The following GPHN variants were observed in gnomAD, a reference collection of about 807,000 sequenced individuals.
GPHN encodes gephyrin.
In GPHN, 17 loss-of-function variants were observed where a neutral mutation model predicts 95.5. The observed-to-expected ratio is 0.18, with a 90% CI of 0.12 to 0.27. The LOEUF is 0.27. Ranked by LOEUF, GPHN falls within the 10% of genes least tolerant of loss-of-function variation. The probability of loss-of-function intolerance (pLI) is 1.00; values close to 1 mark genes in which losing one functional copy is unlikely to be tolerated. For missense variants in GPHN, 660 were observed against 978.1 expected (o/e 0.67, Z 4.34); for synonymous variants, 320 against 322.5 (o/e 0.99, Z 0.08).
At chr14:66,596,858 C>T (rs1181896868) in intron 1 of GPHN, among the ~76,000 whole-genome samples, 2 of 152,202 alleles carry the variant, frequency 1.3e-5, no homozygotes, top group Non-Finnish European at 1.5e-5. Context: ...TTCTTGGTTC[C>T]TGCTGGCTCC....
At chr14:67,651,496 A>T in the GPHN span, 2 of 1,612,878 alleles carry the variant, frequency 1.2e-6, no homozygotes, top group African/African-American at 2.7e-5. Flanking sequence ...AAAGAGAAGC[A>T]AAGTGGGGAG....
chr14:67,641,196 T>C, the GPHN span, among the ~76,000 whole-genome samples: 2 of 152,154 alleles, frequency 1.3e-5, no homozygotes, highest in Admixed American at 6.6e-5. Context: ...TAAAATATTA[T>C]ATAAAATTAC....
the GPHN span, among the ~76,000 whole-genome samples, chr14:67,244,492 C>T: frequency 1.3e-5 from 2 of 152,270 alleles, no homozygotes; most frequent in South Asian, 2.1e-4. Context: ...AAATATTTAA[C>T]TCTAATTTAC....
intron 4 of GPHN, among the ~76,000 whole-genome samples, chr14:66,845,566 T>C (rs573297531): frequency 2.0e-5 from 3 of 152,184 alleles, no homozygotes; most frequent in African/African-American, 7.2e-5. Flanking sequence ...ATGTGGGCTT[T>C]TATAGAGGAG....
the GPHN span, chr14:67,678,122 C>G: frequency 5.9e-6 from 3 of 511,668 alleles, no homozygotes; most frequent in Non-Finnish European, 1.1e-5. Context: ...GTAACAGAAG[C>G]AAAGTAAATC....
At chr14:67,476,260 C>G in the GPHN span, among the ~76,000 whole-genome samples, 1 of 152,192 alleles carries the variant, frequency 6.6e-6, no homozygotes, top group Non-Finnish European at 1.5e-5. Flanking sequence ...GTCTTCCAAG[C>G]ACTTCGTTCG....
chr14:67,319,702 G>A, the GPHN span, among the ~76,000 whole-genome samples: 1 of 152,136 alleles, frequency 6.6e-6, no homozygotes, highest in African/African-American at 2.4e-5. Context: ...GCCGTCCTGG[G>A]CTGCATGCAG....
At chr14:66,906,839 C>G (rs1318693890) in intron 5 of GPHN, among the ~76,000 whole-genome samples, 2 of 152,130 alleles carry the variant, frequency 1.3e-5, no homozygotes, top group African/African-American at 4.8e-5. Context: ...AGAGAAGTTA[C>G]TCTATAATTT....
intron 5 of GPHN, among the ~76,000 whole-genome samples, chr14:66,891,639 A>G (rs1193626615): frequency 6.6e-6 from 1 of 152,148 alleles, no homozygotes; most frequent in Non-Finnish European, 1.5e-5. Context: ...AAAACTAGAT[A>G]ATTTGGACTT....
intron 10 of GPHN, among the ~76,000 whole-genome samples, chr14:67,035,228 T>G (rs936521363): frequency 2.0e-5 from 3 of 151,880 alleles, no homozygotes; most frequent in Admixed American, 6.6e-5. Flanking sequence ...CCAAAACTTA[T>G]GAATTGCAGC....
chr14:66,539,605 GT>G (rs10708792), intron 1 of GPHN, among the ~76,000 whole-genome samples: 49,605 of 151,644 alleles, frequency 0.33, 11,952 homozygotes, highest in African/African-American at 0.65. Flanking sequence ...GTAGAGACGG[GT>G]GTTGGTCAGG....
chr14:67,728,174 T>A, the GPHN span: 11 of 152,158 alleles, frequency 7.2e-5, no homozygotes, highest in Non-Finnish European at 1.6e-4. Context: ...TTTGTTACAG[T>A]GAATAAGCCA....
the GPHN span, among the ~76,000 whole-genome samples, chr14:67,688,209 T>TA: frequency 1.3e-5 from 2 of 152,176 alleles, no homozygotes; most frequent in Admixed American, 1.3e-4. Context: ...AGACTCCCAC[T>TA]AAAATCCATT....
At chr14:66,658,463 G>A (rs1300338109) in intron 1 of GPHN, among the ~76,000 whole-genome samples, 1 of 152,068 alleles carries the variant, frequency 6.6e-6, no homozygotes, top group Non-Finnish European at 1.5e-5. Flanking sequence ...GCATTACATG[G>A]TACAGAGAAG....
At chr14:67,386,357 T>C in the GPHN span, 2 of 152,362 alleles carry the variant, frequency 1.3e-5, no homozygotes, top group Non-Finnish European at 2.9e-5. Context: ...AATTTTTACT[T>C]AAGCACTTTG....
intron 4 of GPHN, among the ~76,000 whole-genome samples, chr14:66,869,237 G>A (rs1056133726): frequency 6.6e-6 from 1 of 152,114 alleles, no homozygotes; most frequent in Non-Finnish European, 1.5e-5. Context: ...GAATACTTGT[G>A]TTATCTATTC....
the GPHN span, chr14:67,733,944 A>C: frequency 1.1e-6 from 1 of 896,374 alleles, no homozygotes; most frequent in South Asian, 1.4e-5. Context: ...CCTCTTGGCC[A>C]GCTGGTGCTG....
chr14:67,034,875 C>A (rs1248225257), intron 10 of GPHN, among the ~76,000 whole-genome samples: 1 of 151,888 alleles, frequency 6.6e-6, no homozygotes, highest in Non-Finnish European at 1.5e-5. Context: ...GATAGAACAA[C>A]CAAAAAGATT....
chr14:67,568,967 C>G, the GPHN span: 2 of 586,352 alleles, frequency 3.4e-6, no homozygotes, highest in Non-Finnish European at 3.0e-6. Flanking sequence ...CCATTTAGAG[C>G]AGAGGAAAAT....
Sources: gnomAD v4.1 joint callset for allele counts (sites outside exome capture counted in the v4.1 genomes callset) on GRCh38, gnomAD v4.1.1 for gene constraint, MANE v1.5 for transcripts, NCBI Gene and HGNC (gene_info 2026-07-23, HGNC 2026-07-21) for gene names.